CEMIP: variants seen among roughly 807,000 people sequenced by gnomAD.
The protein encoded by CEMIP is cell migration-inducing and hyaluronan-binding protein.
CEMIP carries 105 observed loss-of-function variants against 156.9 expected under a neutral mutation model. The observed-to-expected ratio is 0.67, with a 90% CI of 0.57 to 0.79. CEMIP has a LOEUF of 0.79. Among genes scored for constraint, CEMIP ranks in the 30% least tolerant of loss-of-function variants. The probability of loss-of-function intolerance (pLI) is 0.00; values close to 1 mark genes in which losing one functional copy is unlikely to be tolerated. For missense variants in CEMIP, 1,457 were observed against 1,769.4 expected, an observed-to-expected ratio of 0.82 and a Z score of 3.17; for synonymous variants, 676 against 668.4, an observed-to-expected ratio of 1.01 and a Z score of -0.17.
chr15:80,783,895 T>A lies in CEMIP; in HGVS notation c.-176+4281T>A, dbSNP rs376288933. On this transcript the variant is annotated intron_variant, in intron 1 of 29. Coordinates refer to ENST00000394685, the MANE Select transcript of CEMIP (RefSeq NM_001293298.2). ...TTCCCTTGGTGTTAGGAAACACACA[T>A]GGCCACCCAGAGGGAGAGGAGCTGC... Among the ~76,000 whole-genome samples the A allele has an allele frequency of 1.2e-3, 176 of 152,294 alleles. 1 individual carries two copies. Among genetic ancestry groups the A allele is most frequent in the African/African-American group, 4.1e-3 (170 of 41,558 alleles).
intron 1 of CEMIP, among the ~76,000 whole-genome samples, chr15:80,824,291 C>G (rs997091534): frequency 1.3e-5 from 2 of 152,210 alleles, no homozygotes; most frequent in East Asian, 1.9e-4. Flanking sequence ...GCAGCTCCCC[C>G]ACCCTCACCT....
intron 18 of CEMIP, among the ~76,000 whole-genome samples, chr15:80,925,034 G>T (rs1025345118): frequency 6.6e-6 from 1 of 152,200 alleles, no homozygotes; most frequent in Non-Finnish European, 1.5e-5. Flanking sequence ...CAGAAGGGAA[G>T]AATTTTACCA....
chr15:80,907,509 C>T (rs557865848), intron 13 of CEMIP, among the ~76,000 whole-genome samples: 214 of 151,762 alleles, frequency 1.4e-3, no homozygotes, highest in African/African-American at 4.5e-3. Context: ...TTCAGGGAGC[C>T]GAGATCTCAC....
chr15:80,925,814 C>G (rs892993655), intron 19 of CEMIP, 59 bp downstream of exon 19: 1 of 1,580,976 alleles, frequency 6.3e-7, no homozygotes, highest in Non-Finnish European at 8.6e-7. Flanking sequence ...CTTCCCCTAG[C>G]CCCCTACAGA....
chr15:80,926,522 G>A (rs966343964), intron 19 of CEMIP, among the ~76,000 whole-genome samples: 2 of 152,156 alleles, frequency 1.3e-5, no homozygotes, highest in African/African-American at 4.8e-5. Context: ...AAGAGAAATT[G>A]AAATGCGAGG....
intron 14 of CEMIP, among the ~76,000 whole-genome samples, chr15:80,918,707 G>T (rs1900363101): frequency 6.6e-6 from 1 of 152,144 alleles, no homozygotes; most frequent in African/African-American, 2.4e-5. Context: ...GATAAGTGAG[G>T]TTTTTCTCAC....
rs1901132675 is a variant in CEMIP at position 80,936,690 on chromosome 15, A to G, written c.3026A>G (p.Tyr1009Cys). 6.2e-7 allele frequency: 1 copy of G among 1,613,980 alleles called. No individual in the cohort carries two copies. The highest frequency in any genetic ancestry group is 8.5e-7 in the Non-Finnish European group (1 of 1,179,940). Reference protein sequence around the residue: ...GCYAQMYIQAYKTSNLRMKII... With the variant: ...GCYAQMYIQACKTSNLRMKII... ...TTTTAAAAGATGTACATTCAAGCCT[A>G]CAAGACCAGTAACCTGCGAATGAAG... Residue 1009 changes from tyrosine to cysteine, a missense_variant, in exon 24 of 30, where the codon TAC becomes TGC. By Grantham distance (194) the Tyr-to-Cys change is radical (BLOSUM62 -2). Around this residue, in one of 5 missense-constraint regions of CEMIP, gnomAD observed 798 missense variants for 980.1 expected, o/e 0.81. Coordinates refer to ENST00000394685, the MANE Select transcript of CEMIP (RefSeq NM_001293298.2).
Position 80,880,966 on chromosome 15 carries a change from C to T in CEMIP, c.447C>T (p.Gly149=), listed in dbSNP as rs149698686. 89 of 1,614,052 alleles carry T rather than the reference C, an allele frequency of 5.5e-5. No individual in the cohort carries two copies. The highest frequency in any genetic ancestry group is 6.8e-5 in the Non-Finnish European group (80 of 1,180,038). Residue 149 remains glycine (G), a synonymous_variant, in exon 6 of 30, where the codon GGC becomes GGT. Coordinates refer to ENST00000394685, the MANE Select transcript of CEMIP (RefSeq NM_001293298.2). ...AGTACATTGGGGTTGGTAAAGGAGG[C>T]GCTCTTGAGTTGCATGGACAGAAAA... The part of the protein sequence containing the change: ...GLKYIGVGKG[G]ALELHGQKKL...
At chr15:80,785,989 A>T (rs569676254) in intron 1 of CEMIP, among the ~76,000 whole-genome samples, 1 of 152,288 alleles carries the variant, frequency 6.6e-6, no homozygotes, top group East Asian at 1.9e-4. Flanking sequence ...TTTAAAAATT[A>T]CTTGAACCAC....
intron 1 of CEMIP, among the ~76,000 whole-genome samples, chr15:80,810,777 G>A (rs1896651099): frequency 6.6e-6 from 1 of 151,304 alleles, no homozygotes; most frequent in Non-Finnish European, 1.5e-5. Context: ...ATCACCCACA[G>A]TATATCTATC....
intron 1 of CEMIP, among the ~76,000 whole-genome samples, chr15:80,799,026 G>C (rs1020893801): frequency 6.6e-6 from 1 of 152,166 alleles, no homozygotes; most frequent in African/African-American, 2.4e-5. Flanking sequence ...CCGTTGATTT[G>C]TCCTGCCAGT....
intron 7 of CEMIP, among the ~76,000 whole-genome samples, 190 bp from the exon 8 acceptor site, chr15:80,887,504 G>C (rs1264900447): frequency 6.6e-6 from 1 of 152,174 alleles, no homozygotes; most frequent in Non-Finnish European, 1.5e-5. Flanking sequence ...AAAGCCCAGA[G>C]GAGTGCTTGC....
At chr15:80,789,538 C>T (rs887296654) in intron 1 of CEMIP, among the ~76,000 whole-genome samples, 8 of 152,044 alleles carry the variant, frequency 5.3e-5, no homozygotes, top group African/African-American at 1.9e-4. Context: ...TTGGGACTTC[C>T]ATATGCAGAG....
In CEMIP at chr15:80,931,845, C is replaced by A. The variant is rs772583172; in HGVS notation, c.2613-14C>A. 26 of 1,612,464 alleles carry A rather than the reference C, an allele frequency of 1.6e-5. No individual in the cohort carries two copies. In the South Asian group the frequency reaches 2.9e-4, roughly 18 times the overall value. On this transcript the variant is annotated splice_polypyrimidine_tract_variant and intron_variant, in intron 21 of 29. Coordinates refer to ENST00000394685, the MANE Select transcript of CEMIP (RefSeq NM_001293298.2). ...AAACATTTAGACTGACATCTTACTT[C>A]CTTAACTCCGTAGGAATTTTCCAAT...
chr15:80,829,347 G>T (rs944862231), intron 1 of CEMIP, among the ~76,000 whole-genome samples: 3 of 152,114 alleles, frequency 2.0e-5, no homozygotes, highest in African/African-American at 7.2e-5. Flanking sequence ...TGCTGCTGTT[G>T]CTCAGCTGAT....
At chr15:80,896,399 G>A (rs1899226112) in intron 12 of CEMIP, 2 of 501,252 alleles carry the variant, frequency 4.0e-6, no homozygotes, top group East Asian at 1.1e-4. Context: ...TTAAGGCCTA[G>A]GCTCAAAGAT....
chr15:80,881,183 A>C (rs777684593), intron 6 of CEMIP, 47 bp downstream of exon 6: 5 of 1,535,616 alleles, frequency 3.3e-6, no homozygotes, highest in African/African-American at 1.4e-5. Flanking sequence ...TTCAAAGTAC[A>C]CTTATTGAGT....
At chr15:80,907,399 C>A (rs899578021) in intron 13 of CEMIP, among the ~76,000 whole-genome samples, 1 of 152,142 alleles carries the variant, frequency 6.6e-6, no homozygotes, top group African/African-American at 2.4e-5. Context: ...CCCGTCTCTA[C>A]TAAAAATACA....
intron 1 of CEMIP, among the ~76,000 whole-genome samples, chr15:80,872,112 C>G (rs566028379): frequency 6.6e-6 from 1 of 152,342 alleles, no homozygotes; most frequent in African/African-American, 2.4e-5. Context: ...TCACTGAACT[C>G]GCACAAAGAG....
Sources: gnomAD v4.1 joint callset for allele counts (sites outside exome capture counted in the v4.1 genomes callset) on GRCh38, gnomAD v4.1.1 for gene constraint, gnomAD v4.1.1 regional missense constraint, MANE v1.5 for transcripts, NCBI Gene and HGNC (gene_info 2026-07-23, HGNC 2026-07-21) for gene names.